The following IRAK3 variants were observed in gnomAD, a reference collection of about 807,000 sequenced individuals.
IRAK3 encodes the protein interleukin-1 receptor-associated kinase 3.
Under a neutral mutation model 56.6 loss-of-function variants are expected in IRAK3, and 57 were observed. That is an observed-to-expected ratio of 1.01 (90% CI 0.81 to 1.26). The LOEUF is 1.26. Ranked by LOEUF, IRAK3 falls within the 50% of genes most tolerant of loss-of-function variation. IRAK3 has a pLI of 0.00. For missense variants in IRAK3, 703 were observed against 719.0 expected (o/e 0.98, Z 0.25); for synonymous variants, 258 against 255.7 (o/e 1.01, Z -0.09).
In IRAK3 at chr12:66,213,780, T is replaced by G. The variant is rs1480177606; in HGVS notation, c.588+2183T>G. ...GCTCTAAAAAATAAAGTCTACTAAT[T>G]AAAAAAAAAAAAAAAAAAGATAGCG... On this transcript the variant is annotated intron_variant, in intron 5 of 11. Transcript: ENST00000261233. Among the ~76,000 whole-genome samples, 3 of 116,176 alleles carry G rather than the reference T, an allele frequency of 2.6e-5. No homozygotes were observed. The South Asian group carries it at 9.3e-4, about 36-fold the overall frequency. 76.2% of individuals were successfully genotyped at this position (116,176 alleles called of 152,430 possible).
At chr12:66,236,729 C>T (rs1473227525) in intron 8 of IRAK3, among the ~76,000 whole-genome samples, 1 of 152,142 alleles carries the variant, frequency 6.6e-6, no homozygotes, top group Non-Finnish European at 1.5e-5. Flanking sequence ...TTTGACATTA[C>T]ACCTGCCTAT....
At chr12:66,218,484 C>G (rs2052699378) in intron 6 of IRAK3, among the ~76,000 whole-genome samples, 1 of 152,000 alleles carries the variant, frequency 6.6e-6, no homozygotes, top group South Asian at 2.1e-4. Context: ...AACAAATTGT[C>G]CTCCAATATA....
At chr12:66,213,787 A>G (rs1228414890) in intron 5 of IRAK3, among the ~76,000 whole-genome samples, 1 of 151,900 alleles carries the variant, frequency 6.6e-6, no homozygotes, top group Non-Finnish European at 1.5e-5. Flanking sequence ...AATTAAAAAA[A>G]AAAAAAAAAA....
intron 5 of IRAK3, among the ~76,000 whole-genome samples, chr12:66,212,725 T>C (rs1030174566): frequency 1.3e-5 from 2 of 152,046 alleles, no homozygotes; most frequent in African/African-American, 4.8e-5. Flanking sequence ...ATGTCCTTTG[T>C]AGGGACATGA....
At chr12:66,244,845 C>T (rs892604940) in intron 9 of IRAK3, 103 bp from the exon 10 acceptor site, 2 of 1,080,890 alleles carry the variant, frequency 1.9e-6, no homozygotes, top group East Asian at 2.5e-5. Flanking sequence ...AATATAAAAT[C>T]ATTAATCAGA....
At chr12:66,239,552 CAA>C (rs1177878237) in intron 8 of IRAK3, among the ~76,000 whole-genome samples, 1 of 152,154 alleles carries the variant, frequency 6.6e-6, no homozygotes, top group Non-Finnish European at 1.5e-5. Context: ...ACAGGGAATG[CAA>C]AGTGTCTTTC....
intron 1 of IRAK3, chr12:66,198,093 C>CT (rs978402999): frequency 2.0e-6 from 2 of 985,076 alleles, no homozygotes; most frequent in African/African-American, 3.5e-5. Flanking sequence ...AATATTTTAT[C>CT]TGAGACTCCT....
chr12:66,190,387 G>GA (rs35465959), intron 1 of IRAK3, among the ~76,000 whole-genome samples: 33,897 of 146,788 alleles, frequency 0.23, 4,372 homozygotes, highest in South Asian at 0.32. Flanking sequence ...TGGCCCTTAA[G>GA]AAAAAAAAAA....
At chr12:66,232,211 C>G (rs982419105) in intron 8 of IRAK3, among the ~76,000 whole-genome samples, 4 of 152,118 alleles carry the variant, frequency 2.6e-5, no homozygotes, top group African/African-American at 9.7e-5. Context: ...CTGAGTGTTC[C>G]AAAGAGTTCA....
intron 8 of IRAK3, among the ~76,000 whole-genome samples, chr12:66,236,395 C>CAAAAAAAAAAAAAAAAAA (rs56074285): frequency 3.6e-5 from 4 of 110,414 alleles, no homozygotes; most frequent in Non-Finnish European, 5.3e-5. Flanking sequence ...CTAAAAATAC[C>CAAAAAAAAAAAAAAAAAA]AAAAAAAAAA....
At chr12:66,193,126 G>A (rs748130548) in intron 1 of IRAK3, among the ~76,000 whole-genome samples, 11 of 152,038 alleles carry the variant, frequency 7.2e-5, no homozygotes, top group African/African-American at 9.6e-5. Context: ...TCCTATCTCA[G>A]CCTCCCGAGT....
Position 66,244,572 on chromosome 12 carries a change from G to A in IRAK3, c.974G>A (p.Ser325Asn), listed in dbSNP as rs754495502. ...TTCCGGTCCCACCTAGAACATCAGA[G>A]TTGTACCATAAATATGACCAGCAGC... ...AHFRSHLEHQ[S>N]CTINMTSSSS... Residue 325 changes from serine (S) to asparagine (N), a missense_variant, in exon 9 of 12, where the codon AGT becomes AAT. Transcript: ENST00000261233. The A allele has an allele frequency of 2.7e-5, 44 of 1,613,988 alleles. No individual in the cohort carries two copies. The Middle Eastern group carries it at 2.0e-3, about 73-fold the overall frequency.
intron 8 of IRAK3, among the ~76,000 whole-genome samples, chr12:66,244,266 G>A (rs183210579): frequency 2.6e-4 from 40 of 152,318 alleles, no homozygotes; most frequent in African/African-American, 9.4e-4. Context: ...AATGCCCACT[G>A]TTCATAGGTC....
At position 66,245,412 on chromosome 12, in the gene IRAK3, A is replaced by C. The variant is rs74403857; in HGVS notation, c.1314+150A>C. On this transcript the variant is annotated intron_variant, in intron 11 of 11. Transcript: ENST00000261233. Reference sequence around the variant, plus strand: ...TCCAACATAATAGTGTTTCCAGGTCAAAAAGCCACATCATTTGGTACTCTG... The same window carrying C: ...TCCAACATAATAGTGTTTCCAGGTCCAAAAGCCACATCATTTGGTACTCTG... 1,631 of 826,612 alleles carry C rather than the reference A, an allele frequency of 2.0e-3. 21 individuals carry two copies. The African/African-American group carries it at 0.025, about 13-fold the overall frequency. The allele number at this position is 826,612 out of a possible 1,614,324, so 51.2% of individuals were successfully genotyped here.
rs147221288 is a variant in IRAK3 at position 66,244,551 on chromosome 12, G to A, written c.953G>A (p.Arg318Gln). 24 of 1,613,782 alleles carry A rather than the reference G, an allele frequency of 1.5e-5. No homozygotes were observed. The highest frequency in any genetic ancestry group is 3.3e-4 in the Middle Eastern group (2 of 6,082). The change falls in exon 9 of 12, where the codon CGG becomes CAG. Residue 318 changes from arginine to glutamine, a missense_variant. Physicochemically the swap from Arg to Gln is conservative, Grantham distance 43. Coordinates refer to ENST00000261233, the MANE Select transcript of IRAK3 (RefSeq NM_007199.3). The part of the protein sequence containing the change: ...KLTDFAMAHF[R>Q]SHLEHQSCTI... ...ACTGATTTTGCCATGGCACACTTCC[G>A]GTCCCACCTAGAACATCAGAGTTGT...
chr12:66,209,391 C>A, intron 2 of IRAK3, 65 bp from the exon 3 acceptor site: 2 of 910,786 alleles, frequency 2.2e-6, no homozygotes, highest in Non-Finnish European at 1.8e-6. Flanking sequence ...TTCAGAGTCT[C>A]AGAAAGGAAA....
Position 66,248,068 on chromosome 12 carries a change from C to G in IRAK3, c.1688C>G (p.Pro563Arg), listed in dbSNP as rs539690265. Residue 563 changes from proline to arginine, a missense_variant, in exon 12 of 12, where the codon CCT becomes CGT. Transcript: ENST00000261233. ...AGGCCCTATAAGGTAAATATAGATC[C>G]TTCTTCAGAAGCTCCAGGGCATTCT... ...DLRPYKVNIDPSSEAPGHSCR... is the reference protein window; with the variant it reads ...DLRPYKVNIDRSSEAPGHSCR... The G allele has an allele frequency of 7.4e-5, 117 of 1,589,762 alleles. 1 individual carries two copies. The South Asian group carries it at 1.3e-3, about 17-fold the overall frequency.
chr12:66,215,769 C>T (rs1161528541), intron 5 of IRAK3, among the ~76,000 whole-genome samples: 4 of 123,916 alleles, frequency 3.2e-5, no homozygotes, highest in Non-Finnish European at 6.9e-5. Flanking sequence ...TCTCCGCCCC[C>T]TATTTTAACC....
rs2053089660 is a variant in IRAK3 at position 66,250,658 on chromosome 12, T to C, written c.*2487T>C. 1 of 152,256 alleles carries C rather than the reference T, an allele frequency of 6.6e-6. No homozygotes were observed. The highest frequency in any genetic ancestry group is 2.1e-4 in the South Asian group (1 of 4,836). 9.4% of individuals were successfully genotyped at this position (152,256 alleles called of 1,614,324 possible). A position where few individuals can be genotyped will look rare whatever the true frequency, so the allele number is the denominator to read the frequency against. On this transcript the variant is annotated 3_prime_UTR_variant, in exon 12 of 12. Transcript: ENST00000261233. ...TATGGACCCCCACCAATACATTCAA[T>C]GAAGGGTCATTAAGGAAGCTCTGAT... is the stretch of plus-strand genomic sequence containing the variant.
Sources: allele counts gnomAD v4.1 joint callset (sites outside exome capture counted in the v4.1 genomes callset), GRCh38; gene constraint gnomAD v4.1.1; transcripts MANE v1.5; gene names NCBI Gene and HGNC (gene_info 2026-07-23, HGNC 2026-07-21).